Variants in PRR16 observed in about 807,000 individuals in gnomAD.
PRR16 encodes proline rich 16.
A neutral mutation model predicts 18.2 loss-of-function variants in PRR16; 6 were observed. The ratio of observed to expected loss-of-function variants is 0.33; its 90% confidence interval spans 0.18 to 0.65. The LOEUF is 0.65. Ranked by LOEUF, PRR16 falls within the 30% of genes least tolerant of loss-of-function variation. The probability of loss-of-function intolerance (pLI) is 0.74; values close to 1 mark genes in which losing one functional copy is unlikely to be tolerated. For missense variants in PRR16, 412 were observed against 376.6 expected (o/e 1.09, Z -0.78); for synonymous variants, 151 against 147.8 (o/e 1.02, Z -0.16).
intron 1 of PRR16, among the ~76,000 whole-genome samples, chr5:120,565,117 A>G (rs535840712): frequency 6.6e-6 from 1 of 152,066 alleles, no homozygotes; most frequent in South Asian, 2.1e-4. Context: ...CACATGGTAT[A>G]GGATTCTATT....
intron 1 of PRR16, among the ~76,000 whole-genome samples, chr5:120,508,806 T>C (rs2112853856): frequency 6.6e-6 from 1 of 152,298 alleles, no homozygotes; most frequent in African/African-American, 2.4e-5. Flanking sequence ...TACAATTATA[T>C]ACTTTATCAA....
chr5:120,672,817 T>G (rs934969048), intron 1 of PRR16, among the ~76,000 whole-genome samples: 15 of 152,228 alleles, frequency 9.9e-5, no homozygotes, highest in African/African-American at 3.4e-4. Flanking sequence ...AAGCTTGTGT[T>G]AAAGTTTATA....
At chr5:120,516,107 C>A (rs78664214) in intron 1 of PRR16, among the ~76,000 whole-genome samples, 26,423 of 151,954 alleles carry the variant, frequency 0.17, 2,434 homozygotes, top group African/African-American at 0.21. Context: ...TGCTAGAAAG[C>A]AAAACCAAAC....
intron 1 of PRR16, among the ~76,000 whole-genome samples, chr5:120,473,087 A>G (rs944357743): frequency 6.6e-6 from 1 of 152,204 alleles, no homozygotes; most frequent in Non-Finnish European, 1.5e-5. Flanking sequence ...AAAGATGCAT[A>G]TATGAATAAG....
At chr5:120,659,571 G>A (rs1561599605) in intron 1 of PRR16, among the ~76,000 whole-genome samples, 1 of 151,930 alleles carries the variant, frequency 6.6e-6, no homozygotes, top group Admixed American at 6.6e-5. Flanking sequence ...TTTTCTTTAT[G>A]CTAGGAATAT....
intron 1 of PRR16, among the ~76,000 whole-genome samples, chr5:120,587,843 T>G (rs62376427): frequency 0.087 from 13,251 of 152,252 alleles, 700 homozygotes; most frequent in Admixed American, 0.14. Context: ...CATAAGGTTA[T>G]TGCTGCCATA....
the PRR16 span, among the ~76,000 whole-genome samples, chr5:120,703,548 C>T: frequency 6.6e-6 from 1 of 152,214 alleles, no homozygotes; most frequent in Non-Finnish European, 1.5e-5. Flanking sequence ...AAAGATACAG[C>T]TGCCATCCCA....
chr5:120,759,189 G>A, the PRR16 span, among the ~76,000 whole-genome samples: 1 of 151,792 alleles, frequency 6.6e-6, no homozygotes, highest in African/African-American at 2.4e-5. Flanking sequence ...TGTTAGCCAG[G>A]ATGGTATTGA....
intron 1 of PRR16, among the ~76,000 whole-genome samples, chr5:120,645,949 T>C (rs1471141657): frequency 6.6e-6 from 1 of 151,310 alleles, no homozygotes; most frequent in East Asian, 2.0e-4. Context: ...TATTGCCCAA[T>C]ATGAGGATCA....
At chr5:120,774,642 T>C in the PRR16 span, among the ~76,000 whole-genome samples, 1 of 152,094 alleles carries the variant, frequency 6.6e-6, no homozygotes, top group Non-Finnish European at 1.5e-5. Context: ...AGGAATTAAC[T>C]TGGAAGGGAG....
the PRR16 span, among the ~76,000 whole-genome samples, chr5:120,753,885 T>TTA: frequency 7.7e-6 from 1 of 129,470 alleles, no homozygotes. Context: ...TATTTATATA[T>TTA]TATATATAAT....
chr5:120,636,366 A>T lies in PRR16; in HGVS notation c.160-49588A>T, dbSNP rs117424760. 3.5e-3 allele frequency among the ~76,000 whole-genome samples: 527 copies of T among 152,302 alleles called. 7 individuals carry two copies. The highest frequency in any genetic ancestry group is 0.027 in the Admixed American group (417 of 15,288). ...ACATCTGGAGGCATCACATTACCCG[A>T]CTTCAAACTATACTATGAGGCCATA... is the stretch of plus-strand genomic sequence containing the variant. On this transcript the variant is annotated intron_variant, in intron 1 of 1. Coordinates refer to ENST00000407149, the MANE Select transcript of PRR16 (RefSeq NM_001300783.2).
intron 1 of PRR16, among the ~76,000 whole-genome samples, chr5:120,614,973 A>C (rs1484714667): frequency 1.3e-5 from 2 of 152,256 alleles, no homozygotes; most frequent in African/African-American, 2.4e-5. Context: ...AGAATTCTTC[A>C]TTCAAGTGCT....
At chr5:120,497,384 ATT>A (rs765496177) in intron 1 of PRR16, among the ~76,000 whole-genome samples, 2 of 84,178 alleles carry the variant, frequency 2.4e-5, no homozygotes, top group African/African-American at 5.5e-5. Flanking sequence ...TGATGAACTG[ATT>A]TTTTTTTTTT....
chr5:120,685,313 G>A (rs891399717), intron 1 of PRR16, among the ~76,000 whole-genome samples: 3 of 152,148 alleles, frequency 2.0e-5, no homozygotes, highest in Non-Finnish European at 4.4e-5. Context: ...GACTCCCAAG[G>A]ATTCTAAATT....
intron 1 of PRR16, among the ~76,000 whole-genome samples, chr5:120,647,313 C>T (rs1755633704): frequency 6.6e-6 from 1 of 151,772 alleles, no homozygotes; most frequent in Admixed American, 6.6e-5. Context: ...ATGATGTCTT[C>T]CAATCTTCTG....
At chr5:120,702,985 C>A in the PRR16 span, among the ~76,000 whole-genome samples, 2 of 152,136 alleles carry the variant, frequency 1.3e-5, no homozygotes, top group Admixed American at 1.3e-4. Flanking sequence ...GTGAAGAGAC[C>A]ACCAAACAGG....
chr5:120,484,495 AAT>A (rs983252901), intron 1 of PRR16, among the ~76,000 whole-genome samples: 2 of 144,976 alleles, frequency 1.4e-5, no homozygotes, highest in African/African-American at 2.5e-5. Context: ...TATGATATAT[AAT>A]ATATAATTAT....
At chr5:120,697,619 G>T in the PRR16 span, among the ~76,000 whole-genome samples, 1 of 152,186 alleles carries the variant, frequency 6.6e-6, no homozygotes, top group African/African-American at 2.4e-5. Context: ...TCACCTGGGT[G>T]CAGGCGGGCT....
Sources: allele counts gnomAD v4.1 joint callset (sites outside exome capture counted in the v4.1 genomes callset), GRCh38; gene constraint gnomAD v4.1.1; transcripts MANE v1.5; gene names NCBI Gene and HGNC (gene_info 2026-07-23, HGNC 2026-07-21).